ZFYVE16: variants seen among roughly 807,000 people sequenced by gnomAD.
ZFYVE16 encodes zinc finger FYVE-type containing 16, also known as zinc finger FYVE domain-containing protein 16.
ZFYVE16 carries 89 observed loss-of-function variants against 138.1 expected under a neutral mutation model. The observed-to-expected ratio is 0.64, with a 90% CI of 0.54 to 0.77. The LOEUF (loss-of-function observed/expected upper bound fraction) is 0.77. ZFYVE16 is among the 30% of genes least tolerant of loss of function. The pLI is 0.00. For synonymous variants in ZFYVE16, 596 were observed against 618.3 expected (o/e 0.96, Z 0.53); for missense variants, 1,793 against 1,786.7 (o/e 1.00, Z -0.06).
chr5:80,430,765 C>T (rs984860646), intron 2 of ZFYVE16, among the ~76,000 whole-genome samples: 5 of 152,060 alleles, frequency 3.3e-5, no homozygotes, highest in Non-Finnish European at 4.4e-5. Context: ...ATAACACCAC[C>T]GATCCCACAG....
chr5:80,438,190 C>A lies in ZFYVE16; in HGVS notation c.1505C>A (p.Thr502Asn). The A allele has an allele frequency of 6.2e-7, 1 of 1,613,860 alleles. No homozygotes were observed. Among genetic ancestry groups the A allele is most frequent in the Non-Finnish European group, 8.5e-7 (1 of 1,179,934 alleles). Reference protein sequence around the residue: ...SSDCCEGFINTFSSNDMDGQD... With the variant: ...SSDCCEGFINNFSSNDMDGQD... ...GATTGTTGTGAAGGTTTTATTAATA[C>A]TTTTTCAAGCAATGATATGGATGGG... is the stretch of plus-strand genomic sequence containing the variant. The change falls in exon 4 of 19, where the codon ACT becomes AAT. Residue 502 changes from threonine (T) to asparagine (N), a missense_variant. By Grantham distance (65) the Thr-to-Asn change is moderately conservative. Around this residue, in one of 2 missense-constraint regions of ZFYVE16, gnomAD observed 1,295 missense variants for 1,204.3 expected, o/e 1.08. Transcript: ENST00000505560.
intron 15 of ZFYVE16, among the ~76,000 whole-genome samples, chr5:80,463,644 TTTTC>T (rs942872623): frequency 1.3e-5 from 2 of 152,188 alleles, no homozygotes; most frequent in African/African-American, 4.8e-5. Flanking sequence ...GAAAATGGGT[TTTTC>T]TTTATCGCGT....
intron 15 of ZFYVE16, among the ~76,000 whole-genome samples, chr5:80,470,388 A>T (rs1302733525): frequency 6.6e-6 from 1 of 152,094 alleles, no homozygotes; most frequent in African/African-American, 2.4e-5. Flanking sequence ...GGCATGAGCC[A>T]CCGCACCCAG....
intron 8 of ZFYVE16, among the ~76,000 whole-genome samples, chr5:80,448,797 T>C (rs897129776): frequency 6.6e-6 from 1 of 152,200 alleles, no homozygotes; most frequent in African/African-American, 2.4e-5. Flanking sequence ...TGCTACTTTT[T>C]ACATCTATGA....
At chr5:80,417,861 A>G (rs1026631719) in intron 1 of ZFYVE16, among the ~76,000 whole-genome samples, 2 of 152,230 alleles carry the variant, frequency 1.3e-5, no homozygotes, top group African/African-American at 4.8e-5. Context: ...TTGCTGGATT[A>G]TATGGTAGTA....
chr5:80,426,211 TGTG>T (rs1747984623), intron 1 of ZFYVE16, among the ~76,000 whole-genome samples: 1 of 144,992 alleles, frequency 6.9e-6, no homozygotes, highest in Non-Finnish European at 1.5e-5. Context: ...GGTGTGTGTG[TGTG>T]TGTGTGTGTG....
rs527365460 is a variant in ZFYVE16 at position 80,481,830 on chromosome 5, T to C, written c.*4453T>C. ...GACTTAAAACTAGTTATTTTATTTT[T>C]TTTATTTATTTTTGAGACAGTCTCT... is the stretch of plus-strand genomic sequence containing the variant. On this transcript the variant is annotated 3_prime_UTR_variant, in exon 19 of 19. Coordinates refer to ENST00000505560, the MANE Select transcript of ZFYVE16 (RefSeq NM_001284236.3). Among the ~76,000 whole-genome samples, 1 of 152,252 alleles carries C rather than the reference T, an allele frequency of 6.6e-6. No individual in the cohort carries two copies. The highest frequency in any genetic ancestry group is 3.4e-3 in the Middle Eastern group (1 of 294).
rs1044750726 is a variant in ZFYVE16, at chr5:80,480,109, C to A, written c.*2732C>A. Among the ~76,000 whole-genome samples the A allele has an allele frequency of 3.9e-5, 6 of 151,954 alleles. No individual in the cohort carries two copies. Among genetic ancestry groups the A allele is most frequent in the Non-Finnish European group, 8.8e-5 (6 of 68,016 alleles). On this transcript the variant is annotated 3_prime_UTR_variant, in exon 19 of 19. Coordinates refer to ENST00000505560, the MANE Select transcript of ZFYVE16 (RefSeq NM_001284236.3). Reference sequence around the variant, plus strand: ...CTAGTAACACATAGTAAAAAGTAGTCATATAAGGAAACTAGATTCCAGAGG... The same window carrying A: ...CTAGTAACACATAGTAAAAAGTAGTAATATAAGGAAACTAGATTCCAGAGG...
intron 15 of ZFYVE16, among the ~76,000 whole-genome samples, chr5:80,461,133 A>G (rs896565769): frequency 3.9e-5 from 6 of 152,234 alleles, no homozygotes; most frequent in Non-Finnish European, 5.9e-5. Flanking sequence ...ATGACACTCT[A>G]TAGAAGTGCT....
Position 80,443,991 on chromosome 5 carries a change from TTTTTTAAATCTA to T in ZFYVE16, c.2581+719_2581+730del, listed in dbSNP as rs764649319. The stretch of plus-strand genomic sequence containing the variant: ...TGTGTATTTTACCACAGAAATAATA[TTTTTTAAATCTA>T]TTTTTAAATCTTTGAGTTGTCTGTT... On this transcript the variant is annotated intron_variant, in intron 6 of 18. Transcript: ENST00000505560. 30 of 336,988 alleles carry T rather than the reference TTTTTTAAATCTA, an allele frequency of 8.9e-5. 1 individual carries two copies. Among genetic ancestry groups the T allele is most frequent in the Non-Finnish European group, 1.6e-4 (27 of 170,604 alleles). 20.9% of individuals were successfully genotyped at this position (336,988 alleles called of 1,614,324 possible). A position where few individuals can be genotyped will look rare whatever the true frequency, so the allele number is the denominator to read the frequency against.
At chr5:80,462,685 CA>C (rs1753257711) in intron 15 of ZFYVE16, among the ~76,000 whole-genome samples, 1 of 152,170 alleles carries the variant, frequency 6.6e-6, no homozygotes, top group South Asian at 2.1e-4. Flanking sequence ...AGCATTAACC[CA>C]AAAGTCCAAG....
upstream of ZFYVE16, among the ~76,000 whole-genome samples, chr5:80,407,849 C>G (rs1182745045): frequency 2.6e-5 from 4 of 152,220 alleles, no homozygotes; most frequent in Non-Finnish European, 5.9e-5. Flanking sequence ...ATCAGGCGTC[C>G]CCGTCACCCA....
intron 2 of ZFYVE16, among the ~76,000 whole-genome samples, chr5:80,432,105 A>G (rs906511957): frequency 6.6e-6 from 1 of 152,194 alleles, no homozygotes; most frequent in Admixed American, 6.5e-5. Flanking sequence ...ATATGGAACC[A>G]AAAAAGGGCC....
chr5:80,466,350 C>A (rs554893877), intron 15 of ZFYVE16, among the ~76,000 whole-genome samples: 1 of 152,296 alleles, frequency 6.6e-6, no homozygotes, highest in East Asian at 1.9e-4. Flanking sequence ...TTCACAAATT[C>A]TTCTGCCTAG....
At position 80,440,003 on chromosome 5, in the gene ZFYVE16, G is replaced by A; in HGVS notation, c.2390G>A (p.Cys797Tyr). ...TATCTAGAAAAGGAAGCAAGAGTATGTGTAGTCTGCTATGAAACTATTAGT... is the reference window on the plus strand; with the variant it reads ...TATCTAGAAAAGGAAGCAAGAGTATATGTAGTCTGCTATGAAACTATTAGT... ...LQYLEKEARVCVVCYETISKA... is the reference protein window; with the variant it reads ...LQYLEKEARVYVVCYETISKA... Residue 797 changes from cysteine to tyrosine, a missense_variant, in exon 5 of 19, where the codon TGT becomes TAT. Cys to Tyr is a radical substitution (Grantham distance 194). Coordinates refer to ENST00000505560, the MANE Select transcript of ZFYVE16 (RefSeq NM_001284236.3). The A allele has an allele frequency of 6.2e-7, 1 of 1,611,154 alleles. No homozygotes were observed. The highest frequency in any genetic ancestry group is 8.5e-7 in the Non-Finnish European group (1 of 1,178,568).
At chr5:80,467,534 A>C (rs949920166) in intron 15 of ZFYVE16, among the ~76,000 whole-genome samples, 1 of 152,266 alleles carries the variant, frequency 6.6e-6, no homozygotes, top group Non-Finnish European at 1.5e-5. Flanking sequence ...AAGCTAACTC[A>C]GCAGAGACTT....
chr5:80,419,085 CTTTTT>C (rs1370550366), intron 1 of ZFYVE16, among the ~76,000 whole-genome samples: 1 of 136,290 alleles, frequency 7.3e-6, no homozygotes. Context: ...TTTGGGGGGT[CTTTTT>C]TTTTTTATGC....
chr5:80,412,466 T>C (rs1031656197), intron 1 of ZFYVE16, among the ~76,000 whole-genome samples: 1 of 152,208 alleles, frequency 6.6e-6, no homozygotes, highest in Non-Finnish European at 1.5e-5. Context: ...ACATACTGAT[T>C]GATTGAAATG....
chr5:80,430,541 G>C (rs1332116699), intron 2 of ZFYVE16, among the ~76,000 whole-genome samples: 1 of 151,624 alleles, frequency 6.6e-6, no homozygotes, highest in African/African-American at 2.4e-5. Flanking sequence ...AGAGAAGCAA[G>C]AGCAAACCCA....
Sources: gnomAD v4.1 joint callset for allele counts (sites outside exome capture counted in the v4.1 genomes callset) on GRCh38, gnomAD v4.1.1 for gene constraint, gnomAD v4.1.1 regional missense constraint, MANE v1.5 for transcripts, NCBI Gene and HGNC (gene_info 2026-07-23, HGNC 2026-07-21) for gene names.